ARHGAP29: variants seen among roughly 807,000 people sequenced by gnomAD.
The protein encoded by ARHGAP29 is Rho GTPase activating protein 29.
Under a neutral mutation model 122.6 loss-of-function variants are expected in ARHGAP29, and 43 were observed. The ratio of observed to expected loss-of-function variants is 0.35; its 90% CI spans 0.27 to 0.45. The LOEUF is 0.45. Among genes scored for constraint, ARHGAP29 ranks in the 20% least tolerant of loss-of-function variants. The pLI is 1.00. For synonymous variants in ARHGAP29, 506 were observed against 497.1 expected (o/e 1.02, Z -0.24); for missense variants, 1,303 against 1,477.2 (o/e 0.88, Z 1.93).
At chr1:94,279,101 C>G (rs868032410), upstream of ARHGAP29, among the ~76,000 whole-genome samples, 1 of 152,214 alleles carries the variant, frequency 6.6e-6, no homozygotes, top group Admixed American at 6.5e-5. Context: ...GTCCTACTTT[C>G]TAGCTTCTTT....
chr1:94,215,715 C>T (rs1331901467), intron 3 of ARHGAP29, among the ~76,000 whole-genome samples: 1 of 151,912 alleles, frequency 6.6e-6, no homozygotes, highest in East Asian at 1.9e-4. Context: ...GAAGCCTTTC[C>T]TAATACTCAA....
intron 16 of ARHGAP29, 123 bp from the exon 17 acceptor site, chr1:94,185,604 C>A (rs1649750216): frequency 1.1e-6 from 1 of 870,812 alleles, no homozygotes; most frequent in Non-Finnish European, 1.6e-6. Flanking sequence ...CTTTGAATCT[C>A]TAATATCAAA....
chr1:94,306,158 A>G, the ARHGAP29 span, among the ~76,000 whole-genome samples: 1 of 152,234 alleles, frequency 6.6e-6, no homozygotes, highest in Non-Finnish European at 1.5e-5. Context: ...CCTGGGTATC[A>G]TTGGGATTGG....
Position 94,270,601 on chromosome 1 carries a change from A to G in ARHGAP29, c.-33+4411T>C, listed in dbSNP as rs184130650. Reference sequence around the variant, plus strand: ...TCATGAGCAGGTGACCCAGGACCTCATGACCACAGCTACACCAGCACCTCT... The same window carrying G: ...TCATGAGCAGGTGACCCAGGACCTCGTGACCACAGCTACACCAGCACCTCT... On this transcript the variant is annotated intron_variant and NMD_transcript_variant, in intron 1 of 25. Transcript: ENST00000552844. Among the ~76,000 whole-genome samples, 81 of 152,334 alleles carry G rather than the reference A, an allele frequency of 5.3e-4. 1 individual carries two copies. The highest frequency in any genetic ancestry group is 9.8e-4 in the Admixed American group (15 of 15,308).
At chr1:94,303,905 T>A in the ARHGAP29 span, among the ~76,000 whole-genome samples, 45 of 152,298 alleles carry the variant, frequency 3.0e-4, no homozygotes, top group East Asian at 7.7e-3. Flanking sequence ...TGCCTAATAT[T>A]TTTAAATATT....
chr1:94,207,856 TTG>T (rs891656637), intron 5 of ARHGAP29, among the ~76,000 whole-genome samples: 37 of 152,222 alleles, frequency 2.4e-4, no homozygotes, highest in Middle Eastern at 3.4e-3. Context: ...TTTTGTTTCT[TTG>T]TGTTTTTTTA....
At position 94,202,979 on chromosome 1, in the gene ARHGAP29, T is replaced by G. The variant is rs1445806157; in HGVS notation, c.893A>C (p.Asn298Thr). ...KFVQPLLGRK[N>T]EMEKQRKEIK... ...TTCTTTCCTTTGTTTTTCCATTTCA[T>G]TTTTCCTTCCAAGTAGAGGCTGTGA... Residue 298 changes from asparagine to threonine, a missense_variant, in exon 10 of 23, where the codon AAT (asparagine) becomes ACT (threonine). By Grantham distance (65) the Asn-to-Thr change is moderately conservative (BLOSUM62 0). Transcript: ENST00000260526. 1.2e-6 allele frequency: 2 copies of G among 1,609,120 alleles called. No individual in the cohort carries two copies. Among genetic ancestry groups the G allele is most frequent in the Non-Finnish European group, 8.5e-7 (1 of 1,178,904 alleles).
At chr1:94,212,447 T>C (rs1366317287) in intron 3 of ARHGAP29, among the ~76,000 whole-genome samples, 2 of 152,154 alleles carry the variant, frequency 1.3e-5, no homozygotes, top group African/African-American at 4.8e-5. Flanking sequence ...TTTATAAAAA[T>C]ACATTGTAGA....
chr1:94,256,038 A>G (rs1351923224), intron 1 of ARHGAP29, among the ~76,000 whole-genome samples: 1 of 152,220 alleles, frequency 6.6e-6, no homozygotes, highest in East Asian at 1.9e-4. Flanking sequence ...TCTGTGAAAT[A>G]TGAATTATTG....
At chr1:94,182,808 GAATAA>G (rs1649560237) in intron 19 of ARHGAP29, among the ~76,000 whole-genome samples, 1 of 111,022 alleles carries the variant, frequency 9.0e-6, no homozygotes, top group African/African-American at 3.4e-5. Flanking sequence ...CAAAACAGGA[GAATAA>G]AACAAAACAA....
At chr1:94,249,181 C>T (rs972399426) in intron 1 of ARHGAP29, among the ~76,000 whole-genome samples, 1 of 152,198 alleles carries the variant, frequency 6.6e-6, no homozygotes, top group Non-Finnish European at 1.5e-5. Context: ...TCTTATAAGC[C>T]AACTAGGTTT....
intron 11 of ARHGAP29, 33 bp from the exon 12 acceptor site, chr1:94,201,890 T>A: frequency 6.7e-7 from 1 of 1,489,556 alleles, no homozygotes; most frequent in Non-Finnish European, 9.0e-7. Context: ...AAAATAACAC[T>A]AGAATTTATA....
At chr1:94,189,424 T>G in intron 13 of ARHGAP29, 72 bp from the exon 14 acceptor site, 1 of 1,434,268 alleles carries the variant, frequency 7.0e-7, no homozygotes, top group Non-Finnish European at 9.2e-7. Flanking sequence ...TTTCATTCTA[T>G]GTTTAGAAAA....
chr1:94,204,978 C>T, intron 7 of ARHGAP29, 83 bp downstream of exon 7: 1 of 1,293,604 alleles, frequency 7.7e-7, no homozygotes, highest in Non-Finnish European at 1.0e-6. Context: ...ATTTGGAATT[C>T]TATTACTCAT....
At chr1:94,185,870 G>A (rs538262049) in intron 16 of ARHGAP29, among the ~76,000 whole-genome samples, 1 of 152,218 alleles carries the variant, frequency 6.6e-6, no homozygotes, top group African/African-American at 2.4e-5. Flanking sequence ...GTTAGAGTGT[G>A]AGCATTATCT....
At chr1:94,189,105 T>G (rs550361348) in intron 14 of ARHGAP29, 111 bp downstream of exon 14, 3 of 1,430,832 alleles carry the variant, frequency 2.1e-6, no homozygotes, top group Non-Finnish European at 1.9e-6. Flanking sequence ...TCTCATAAAC[T>G]TACAAACTAA....
rs1418314362 is a variant in ARHGAP29 at position 94,174,271 on chromosome 1, A to G, written c.3384T>C (p.Tyr1128=). 6.2e-7 allele frequency: 1 copy of G among 1,614,202 alleles called. No individual in the cohort carries two copies. The highest frequency in any genetic ancestry group is 2.2e-5 in the East Asian group (1 of 44,888). The change falls in exon 23 of 23, where the codon TAT becomes TAC. Residue 1128 remains tyrosine, a synonymous_variant. Transcript: ENST00000260526. ...SINATQPSKP[Y]AEPVRSVREA... is the part of the protein sequence containing the mutation. ...CTCTCACTGACCTGACTGGCTCTGC[A>G]TATGGCTTACTGGGTTGAGTGGCAT...
At chr1:94,264,986 C>G (rs1420589969) in intron 1 of ARHGAP29, among the ~76,000 whole-genome samples, 1 of 152,144 alleles carries the variant, frequency 6.6e-6, no homozygotes, top group African/African-American at 2.4e-5. Context: ...TGCCCTGGCC[C>G]GTATGTTACA....
the ARHGAP29 span, among the ~76,000 whole-genome samples, chr1:94,300,825 T>C: frequency 6.7e-6 from 1 of 150,278 alleles, no homozygotes; most frequent in Admixed American, 6.6e-5. Context: ...CAAGCCTGTG[T>C]TCAATTAATG....
Sources: allele counts gnomAD v4.1 joint callset (sites outside exome capture counted in the v4.1 genomes callset), GRCh38; gene constraint gnomAD v4.1.1; transcripts MANE v1.5; gene names NCBI Gene and HGNC (gene_info 2026-07-23, HGNC 2026-07-21).